Variants in MTO1 observed in about 807,000 individuals in gnomAD.
MTO1 encodes 5-taurinomethyluridine-[tRNA] synthase subunit MTO1, mitochondrial.
In MTO1, 46 loss-of-function variants were observed where a neutral mutation model predicts 71.6. That is an observed-to-expected ratio of 0.64 (90% CI 0.51 to 0.82). The LOEUF is 0.82. MTO1 is among the 40% of genes least tolerant of loss of function. The pLI is 0.00. For missense variants in MTO1, 773 were observed against 867.5 expected, an observed-to-expected ratio of 0.89 and a Z score of 1.37; for synonymous variants, 297 against 312.1, an observed-to-expected ratio of 0.95 and a Z score of 0.51.
At position 73,509,122 on chromosome 6, in the gene MTO1, C is replaced by G. The variant is rs1261569235; in HGVS notation, c.*8387C>G. The G allele has an allele frequency of 6.6e-6, 1 of 152,152 alleles. No homozygotes were observed. The highest frequency in any genetic ancestry group is 1.5e-5 in the Non-Finnish European group (1 of 68,028). The allele number at this position is 152,152 out of a possible 1,614,324, so 9.4% of individuals were successfully genotyped here. A position where few individuals can be genotyped will look rare whatever the true frequency, so the allele number is the denominator to read the frequency against. The stretch of plus-strand genomic sequence containing the variant: ...CACATGATTGTACTGAAAATATAAC[C>G]AAGTTTTATTTATGTTTTTCATTTG... On this transcript the variant is annotated 3_prime_UTR_variant, in exon 12 of 12. Coordinates refer to ENST00000498286, the MANE Select transcript of MTO1 (RefSeq NM_012123.4).
At chr6:73,470,756 C>T (rs1771138358) in intron 3 of MTO1, among the ~76,000 whole-genome samples, 1 of 152,070 alleles carries the variant, frequency 6.6e-6, no homozygotes, top group Admixed American at 6.6e-5. Context: ...GAGTTTGAGA[C>T]CAGTCTGGCC....
intron 7 of MTO1, among the ~76,000 whole-genome samples, chr6:73,481,797 G>A (rs1423831176): frequency 6.6e-6 from 1 of 152,072 alleles, no homozygotes; most frequent in Non-Finnish European, 1.5e-5. Flanking sequence ...TCCCCGCAGA[G>A]TGCAGCTTAT....
Position 73,498,169 on chromosome 6 carries a change from C to T in MTO1, c.1917+273C>T, listed in dbSNP as rs563374024. Among the ~76,000 whole-genome samples, 20 of 151,718 alleles carry T rather than the reference C, an allele frequency of 1.3e-4. 1 individual carries two copies. Among genetic ancestry groups the T allele is most frequent in the Admixed American group, 7.9e-4 (12 of 15,208 alleles). On this transcript the variant is annotated intron_variant, in intron 11 of 11. Transcript: ENST00000498286. ...GAGGCTGCAGTGAGCCATGATTGCACGACTGCACTCCAGCCTGGGCAACAG... is the reference window on the plus strand; with the variant it reads ...GAGGCTGCAGTGAGCCATGATTGCATGACTGCACTCCAGCCTGGGCAACAG...
intron 3 of MTO1, 36 bp downstream of exon 3, chr6:73,466,642 A>G (rs1259737852): frequency 1.9e-6 from 3 of 1,540,836 alleles, no homozygotes; most frequent in Non-Finnish European, 2.7e-6. Context: ...TGATAACAGC[A>G]TATCAAATTC....
At chr6:73,473,721 C>CAT in intron 4 of MTO1, 67 bp downstream of exon 4, 3 of 847,986 alleles carry the variant, frequency 3.5e-6, no homozygotes, top group African/African-American at 1.9e-5. Flanking sequence ...AGTACTGTAA[C>CAT]TTTTTTTTTT....
intron 11 of MTO1, 75 bp from the exon 12 acceptor site, chr6:73,500,499 T>C: frequency 7.6e-7 from 1 of 1,320,080 alleles, no homozygotes; most frequent in Non-Finnish European, 1.0e-6. Context: ...CTATACAGAT[T>C]GTTATTTGGA....
At chr6:73,469,035 G>T (rs547647383) in intron 3 of MTO1, among the ~76,000 whole-genome samples, 2 of 151,944 alleles carry the variant, frequency 1.3e-5, no homozygotes, top group Admixed American at 6.6e-5. Context: ...TGGAGACAGG[G>T]TCTTACTCTG....
Position 73,509,197 on chromosome 6 carries a change from C to T in MTO1, c.*8462C>T, listed in dbSNP as rs764703567. 7.2e-5 allele frequency: 11 copies of T among 152,176 alleles called. No individual in the cohort carries two copies. The highest frequency in any genetic ancestry group is 4.6e-4 in the Admixed American group (7 of 15,272). The allele number at this position is 152,176 out of a possible 1,614,324, so 9.4% of individuals were successfully genotyped here. On this transcript the variant is annotated 3_prime_UTR_variant, in exon 12 of 12. Transcript: ENST00000498286. ...TCTGAAAACCACACAATCTTCTATA[C>T]GCTTTTTTCACTGGAATAAATGAAA...
intron 10 of MTO1, 74 bp from the exon 11 acceptor site, chr6:73,497,662 G>T: frequency 7.0e-7 from 1 of 1,438,790 alleles, no homozygotes; most frequent in Non-Finnish European, 9.5e-7. Context: ...TAAATTGTAA[G>T]AGGCTACATA....
At chr6:73,487,452 A>G (rs1456597751) in intron 9 of MTO1, 1 of 150,974 alleles carries the variant, frequency 6.6e-6, no homozygotes, top group African/African-American at 2.4e-5. Flanking sequence ...AAATGCTGGA[A>G]TTACAGGCAT....
At chr6:73,479,887 G>T in intron 5 of MTO1, 43 bp downstream of exon 5, 1 of 1,603,144 alleles carries the variant, frequency 6.2e-7, no homozygotes. Flanking sequence ...AAGGAATGAC[G>T]TCAATCCTCT....
At chr6:73,496,973 G>C (rs939145796) in intron 10 of MTO1, among the ~76,000 whole-genome samples, 1 of 151,084 alleles carries the variant, frequency 6.6e-6, no homozygotes, top group African/African-American at 2.4e-5. Context: ...GAAATTGCTT[G>C]AACCTGGGAC....
In MTO1 at chr6:73,480,141, A is replaced by G. The variant is rs779630571; in HGVS notation, c.1129+15A>G. ...GATTCAGCCAGGTAAAGAAGATCACAAGTGCCCTTCAGTATAAGGTCAGCA... is the reference window on the plus strand; with the variant it reads ...GATTCAGCCAGGTAAAGAAGATCACGAGTGCCCTTCAGTATAAGGTCAGCA... On this transcript the variant is annotated intron_variant, in intron 6 of 11. Transcript: ENST00000498286. 3.7e-6 allele frequency: 6 copies of G among 1,612,150 alleles called. No individual in the cohort carries two copies. Among genetic ancestry groups the G allele is most frequent in the Admixed American group, 1.7e-5 (1 of 59,930 alleles).
At chr6:73,462,099 G>T (rs765942243) in intron 1 of MTO1, 28 bp downstream of exon 1, 4 of 1,606,830 alleles carry the variant, frequency 2.5e-6, no homozygotes, top group South Asian at 1.1e-5. Context: ...TGTGGAACTT[G>T]GCGTAGGACG....
At chr6:73,468,524 G>A (rs1771062893) in intron 3 of MTO1, among the ~76,000 whole-genome samples, 1 of 151,878 alleles carries the variant, frequency 6.6e-6, no homozygotes, top group Non-Finnish European at 1.5e-5. Context: ...TTACATTATT[G>A]ACTAAGTATT....
intron 9 of MTO1, among the ~76,000 whole-genome samples, chr6:73,488,874 T>C (rs1350022091): frequency 2.6e-5 from 4 of 152,170 alleles, no homozygotes; most frequent in African/African-American, 9.7e-5. Flanking sequence ...GCACAGATCA[T>C]GCCACTGCAC....
chr6:73,494,947 T>G (rs1357289358), intron 10 of MTO1, among the ~76,000 whole-genome samples: 2 of 151,802 alleles, frequency 1.3e-5, no homozygotes, highest in Admixed American at 6.6e-5. Flanking sequence ...ACCTGGCTAA[T>G]TTTTGTATTT....
intron 9 of MTO1, chr6:73,486,852 G>A (rs1771668256): frequency 5.7e-6 from 1 of 174,776 alleles, no homozygotes; most frequent in Non-Finnish European, 1.2e-5. Flanking sequence ...AGCACTTTGG[G>A]AGGCTAAGGT....
At chr6:73,490,680 C>T (rs4706541) in intron 9 of MTO1, among the ~76,000 whole-genome samples, 28,969 of 151,356 alleles carry the variant, frequency 0.19, 2,838 homozygotes, top group Middle Eastern at 0.23. Flanking sequence ...ATTTGGGGTT[C>T]CTTGTGATTC....
Sources: gnomAD v4.1 joint callset for allele counts (sites outside exome capture counted in the v4.1 genomes callset) on GRCh38, gnomAD v4.1.1 for gene constraint, MANE v1.5 for transcripts, NCBI Gene and HGNC (gene_info 2026-07-23, HGNC 2026-07-21) for gene names.